SLC27A2: variants seen among roughly 807,000 people sequenced by gnomAD.
SLC27A2 encodes solute carrier family 27 member 2.
SLC27A2 carries 54 observed loss-of-function variants against 60.0 expected under a neutral mutation model. The observed-to-expected ratio is 0.90, with a 90% confidence interval of 0.72 to 1.13. The LOEUF is 1.13. Ranked by LOEUF, SLC27A2 falls within the 50% of genes most tolerant of loss-of-function variation. The probability of loss-of-function intolerance (pLI) is 0.00; values close to 1 mark genes in which losing one functional copy is unlikely to be tolerated. For missense variants in SLC27A2, 739 were observed against 777.6 expected (o/e 0.95, Z 0.59); for synonymous variants, 297 against 297.6 (o/e 1.00, Z 0.02).
rs2045255463 is a variant in SLC27A2, at chr15:50,223,111, T to C, written c.1119T>C (p.Asn373=). 6.2e-7 allele frequency: 1 copy of C among 1,613,838 alleles called. No homozygotes were observed. Among genetic ancestry groups the C allele is most frequent in the African/African-American group, 1.3e-5 (1 of 75,016 alleles). The change falls in exon 5 of 10, where the codon AAT becomes AAC. Residue 373 remains asparagine (N), a synonymous_variant. Transcript: ENST00000267842. ...CTGAAGGCAATATTGGATTTATGAATTATGCGAGAAAAGTTGGTGCTGTTG... is the reference window on the plus strand; with the variant it reads ...CTGAAGGCAATATTGGATTTATGAACTATGCGAGAAAAGTTGGTGCTGTTG... ...AATEGNIGFM[N]YARKVGAVGR...
At chr15:50,198,824 A>G (rs2045043577) in intron 2 of SLC27A2, among the ~76,000 whole-genome samples, 2 of 152,116 alleles carry the variant, frequency 1.3e-5, no homozygotes, top group Admixed American at 1.3e-4. Context: ...AATTTCCTTG[A>G]GCCTTTTATC....
chr15:50,197,527 T>C lies in SLC27A2; in HGVS notation c.506T>C (p.Leu169Pro). Residue 169 changes from leucine to proline, a missense_variant, in exon 2 of 10, where the codon CTG (leucine) becomes CCG (proline). By Grantham distance (98) the Leu-to-Pro change is moderately conservative. Transcript: ENST00000267842. ...PELQAAVEEI[L>P]PSLKKDDVSI... ...CTACAAGCAGCTGTCGAAGAGATAC[T>C]GCCAAGCCTTAAAAAAGATGATGTG... 1 of 1,614,004 alleles carries C rather than the reference T, an allele frequency of 6.2e-7. No individual in the cohort carries two copies. The highest frequency in any genetic ancestry group is 8.5e-7 in the Non-Finnish European group (1 of 1,179,888).
Position 50,182,443 on chromosome 15 carries a change from T to A in SLC27A2, c.16T>A (p.Tyr6Asn), listed in dbSNP as rs1226369884. 1 of 1,603,112 alleles carries A rather than the reference T, an allele frequency of 6.2e-7. No individual in the cohort carries two copies. Among genetic ancestry groups the A allele is most frequent in the Non-Finnish European group, 8.5e-7 (1 of 1,173,412 alleles). Residue 6 changes from tyrosine to asparagine, a missense_variant, in exon 1 of 10, where the codon TAC (tyrosine) becomes AAC (asparagine). Transcript: ENST00000267842. MLSAI[Y>N]TVLAGLLFLP... ...CGCAGCCGTCATGCTTTCCGCCATC[T>A]ACACAGTCCTGGCGGGACTGCTGTT...
chr15:50,200,700 A>G (rs1051088288), intron 2 of SLC27A2, among the ~76,000 whole-genome samples: 6 of 152,186 alleles, frequency 3.9e-5, no homozygotes, highest in Admixed American at 1.3e-4. Context: ...GCCCTCCCCA[A>G]TTGAACTGTT....
Position 50,216,751 on chromosome 15 carries a change from G to GAT in SLC27A2, c.973-6201_973-6200dup, listed in dbSNP as rs1044009454. On this transcript the variant is annotated intron_variant, in intron 4 of 9. Transcript: ENST00000267842. ...GCGGGCTCTTTTTTTGGTTCCATAT[G>GAT]ATATATATATATATTCCATAAAAAT... Among the ~76,000 whole-genome samples the GAT allele has an allele frequency of 1.6e-3, 214 of 136,170 alleles. 1 individual carries two copies. The highest frequency in any genetic ancestry group is 5.2e-3 in the African/African-American group (194 of 37,238). The allele number at this position is 136,170 out of a possible 152,430, so 89.3% of individuals were successfully genotyped here. A position where few individuals can be genotyped will look rare whatever the true frequency, so the allele number is the denominator to read the frequency against.
chr15:50,183,171 G>C (rs2044883437), intron 1 of SLC27A2, among the ~76,000 whole-genome samples: 1 of 152,200 alleles, frequency 6.6e-6, no homozygotes, highest in African/African-American at 2.4e-5. Flanking sequence ...TTTGTTATAG[G>C]ACTTTTATAG....
chr15:50,206,250 G>A (rs2045111015), intron 4 of SLC27A2, among the ~76,000 whole-genome samples: 1 of 152,090 alleles, frequency 6.6e-6, no homozygotes, highest in African/African-American at 2.4e-5. Context: ...TCATCAAAAT[G>A]TCTCCAGAAA....
intron 3 of SLC27A2, among the ~76,000 whole-genome samples, chr15:50,203,465 A>T (rs2045082474): frequency 6.6e-6 from 1 of 152,150 alleles, no homozygotes; most frequent in Non-Finnish European, 1.5e-5. Context: ...CTCTCCTTCC[A>T]GGAGGATTCA....
Position 50,233,914 on chromosome 15 carries a change from C to CT in SLC27A2, c.1602_1603insT (p.His535SerfsTer2). 6.2e-7 allele frequency: 1 copy of CT among 1,613,842 alleles called. No homozygotes were observed. The highest frequency in any genetic ancestry group is 1.1e-5 in the South Asian group (1 of 91,054). ...TGGCCTCCATCAAAATGAAAGAAAACCATGAATTTGATGGAAAGAAACTCT... is the reference window on the plus strand; with the variant it reads ...TGGCCTCCATCAAAATGAAAGAAAACTCATGAATTTGATGGAAAGAAACTCT... On this transcript the variant is annotated frameshift_variant, in exon 9 of 10. Transcript: ENST00000267842. LOFTEE classifies it high-confidence loss of function.
intron 4 of SLC27A2, among the ~76,000 whole-genome samples, chr15:50,213,764 G>A (rs948582697): frequency 2.0e-5 from 3 of 151,998 alleles, no homozygotes; most frequent in African/African-American, 4.8e-5. Flanking sequence ...CAAACTGAAC[G>A]ACAATAATGA....
chr15:50,210,606 T>C (rs189871394), intron 4 of SLC27A2, among the ~76,000 whole-genome samples: 16 of 152,188 alleles, frequency 1.1e-4, no homozygotes, highest in Middle Eastern at 3.4e-3. Flanking sequence ...AGCTAAACTT[T>C]GGGATAATTT....
intron 8 of SLC27A2, among the ~76,000 whole-genome samples, chr15:50,229,708 A>G (rs1333724253): frequency 2.0e-5 from 3 of 152,230 alleles, no homozygotes; most frequent in Non-Finnish European, 4.4e-5. Flanking sequence ...AACGCTAAGC[A>G]TATATTTATC....
Position 50,205,357 on chromosome 15 carries a change from A to G in SLC27A2, c.966A>G (p.Ser322=), listed in dbSNP as rs2045103777. The stretch of plus-strand genomic sequence containing the variant: ...AACTGCTTCGGTATTTATGCAACTC[A>G]CCACAGGTAACACTCCCCCCGTTTT... ...IGELLRYLCN[S]PQKPNDRDHK... is the part of the protein sequence containing the mutation. The change falls in exon 4 of 10, where the codon TCA becomes TCG. Residue 322 remains serine, a synonymous_variant. Coordinates refer to ENST00000267842, the MANE Select transcript of SLC27A2 (RefSeq NM_003645.4). 1.2e-6 allele frequency: 2 copies of G among 1,603,474 alleles called. No individual in the cohort carries two copies. The highest frequency in any genetic ancestry group is 1.7e-5 in the Admixed American group (1 of 59,428).
chr15:50,210,506 C>A (rs1207662129), intron 4 of SLC27A2, among the ~76,000 whole-genome samples: 2 of 152,196 alleles, frequency 1.3e-5, no homozygotes, highest in African/African-American at 4.8e-5. Context: ...GCTCCCCTAG[C>A]AGCCCATTCC....
intron 4 of SLC27A2, among the ~76,000 whole-genome samples, chr15:50,205,931 C>T (rs72737057): frequency 0.09 from 13,707 of 152,142 alleles, 817 homozygotes; most frequent in Middle Eastern, 0.14. Flanking sequence ...ACTTTGAAAC[C>T]AGCCAGCCAA....
At chr15:50,234,715 C>T (rs1215423771) in intron 9 of SLC27A2, among the ~76,000 whole-genome samples, 1 of 151,856 alleles carries the variant, frequency 6.6e-6, no homozygotes, top group African/African-American at 2.4e-5. Flanking sequence ...GGTATGATTG[C>T]ACCACTGTAC....
chr15:50,186,350 C>A (rs150928814), intron 1 of SLC27A2, among the ~76,000 whole-genome samples: 4 of 152,166 alleles, frequency 2.6e-5, no homozygotes, highest in African/African-American at 9.7e-5. Context: ...CACCGCCAAC[C>A]CTAGGTGATT....
chr15:50,184,177 G>A (rs1305726747), intron 1 of SLC27A2, among the ~76,000 whole-genome samples: 1 of 151,504 alleles, frequency 6.6e-6, no homozygotes, highest in African/African-American at 2.4e-5. Context: ...ATTTTTGGTA[G>A]AAACAGGGTT....
At chr15:50,193,181 G>C (rs965026947) in intron 1 of SLC27A2, among the ~76,000 whole-genome samples, 3 of 152,112 alleles carry the variant, frequency 2.0e-5, no homozygotes, top group Admixed American at 6.5e-5. Flanking sequence ...CATCTCCACC[G>C]TCTGCTCATC....
Sources: gnomAD v4.1 joint callset for allele counts (sites outside exome capture counted in the v4.1 genomes callset) on GRCh38, gnomAD v4.1.1 for gene constraint, MANE v1.5 for transcripts, NCBI Gene and HGNC (gene_info 2026-07-23, HGNC 2026-07-21) for gene names.